RMDN1: variants seen among roughly 807,000 people sequenced by gnomAD.
RMDN1 encodes the protein regulator of microtubule dynamics 1, also known as regulator of microtubule dynamics protein 1.
A neutral mutation model predicts 48.9 loss-of-function variants in RMDN1; 48 were observed. The observed-to-expected ratio is 0.98, with a 90% CI of 0.78 to 1.25. RMDN1 has a LOEUF of 1.25. RMDN1 is among the 50% of genes most tolerant of loss of function. The probability of loss-of-function intolerance (pLI) is 0.00; values close to 1 mark genes in which losing one functional copy is unlikely to be tolerated. For synonymous variants in RMDN1, 148 were observed against 132.6 expected (o/e 1.12, Z -0.80); for missense variants, 418 against 373.4 (o/e 1.12, Z -0.98).
At chr8:86,505,801 G>A (rs1819230749) in intron 2 of RMDN1, among the ~76,000 whole-genome samples, 3 of 152,294 alleles carry the variant, frequency 2.0e-5, no homozygotes, top group Middle Eastern at 3.4e-3. Context: ...TTCATTATTG[G>A]AGGGTATATT....
intron 7 of RMDN1, 26 bp from the exon 8 acceptor site, chr8:86,477,350 CAT>C (rs1813557963): frequency 1.9e-6 from 3 of 1,572,302 alleles, no homozygotes; most frequent in Non-Finnish European, 2.6e-6. Context: ...AGAGCCCAAA[CAT>C]AATAAAAAAG....
downstream of RMDN1, chr8:86,470,042 T>G: frequency 1.9e-4 from 92 of 490,592 alleles, no homozygotes; most frequent in Non-Finnish European, 2.2e-4. Flanking sequence ...AAAACTCAGT[T>G]GAGATAACTT....
At chr8:86,508,778 T>TC, upstream of RMDN1, 1 of 1,079,356 alleles carries the variant, frequency 9.3e-7, no homozygotes, top group Non-Finnish European at 1.1e-6. Flanking sequence ...GCCCCCATGG[T>TC]TTCCGGTGCA....
intron 2 of RMDN1, chr8:86,505,209 A>G (rs1819114902): frequency 4.3e-6 from 3 of 701,918 alleles, no homozygotes; most frequent in Non-Finnish European, 6.9e-6. Context: ...TGCGCACCTC[A>G]AGGCTGGGGT....
intron 2 of RMDN1, among the ~76,000 whole-genome samples, chr8:86,503,385 A>AAAAAC (rs1563656676): frequency 2.0e-3 from 164 of 80,668 alleles, no homozygotes; most frequent in Non-Finnish European, 2.6e-3. Context: ...AAAAAAAAAA[A>AAAAAC]AAAACAAAAA....
At chr8:86,504,488 A>G in intron 2 of RMDN1, 1 of 1,542,644 alleles carries the variant, frequency 6.5e-7, no homozygotes, top group East Asian at 2.3e-5. Context: ...GCAGGTGTTC[A>G]AGAGCCCATC....
chr8:86,474,586 C>T, intron 9 of RMDN1: 1 of 711,546 alleles, frequency 1.4e-6, no homozygotes, highest in Non-Finnish European at 2.5e-6. Flanking sequence ...CCATGTGTGT[C>T]AAACAGGAAT....
intron 8 of RMDN1, among the ~76,000 whole-genome samples, chr8:86,475,301 A>G (rs1813181622): frequency 6.6e-6 from 1 of 152,154 alleles, no homozygotes; most frequent in African/African-American, 2.4e-5. Context: ...TTAGTTCCCT[A>G]TGGTACCCCA....
chr8:86,475,752 CCTT>C (rs1383887110), intron 8 of RMDN1, among the ~76,000 whole-genome samples: 2 of 152,154 alleles, frequency 1.3e-5, no homozygotes, highest in African/African-American at 4.8e-5. Context: ...TCCATTTGCT[CCTT>C]AACCAAAATT....
At chr8:86,469,735 T>A (rs1812390959), downstream of RMDN1, among the ~76,000 whole-genome samples, 2 of 152,220 alleles carry the variant, frequency 1.3e-5, no homozygotes, top group South Asian at 4.1e-4. Context: ...AACACTCAGT[T>A]GGCCTTAAAA....
chr8:86,481,034 TAAAGA>T (rs1388136165), intron 5 of RMDN1, among the ~76,000 whole-genome samples: 1 of 152,160 alleles, frequency 6.6e-6, no homozygotes, highest in African/African-American at 2.4e-5. Context: ...TGAAAACAAC[TAAAGA>T]AATCTTACAG....
chr8:86,493,993 A>T (rs1429505845), intron 2 of RMDN1, among the ~76,000 whole-genome samples: 1 of 152,160 alleles, frequency 6.6e-6, no homozygotes, highest in Non-Finnish European at 1.5e-5. Flanking sequence ...GTGGAATCTA[A>T]AAAAGTCAAA....
chr8:86,484,732 AAAAG>A (rs1299013642), intron 5 of RMDN1, 136 bp downstream of exon 5: 4 of 479,096 alleles, frequency 8.3e-6, no homozygotes, highest in Non-Finnish European at 1.1e-5. Flanking sequence ...AAAAAAAAAA[AAAAG>A]AAATAACAAA....
downstream of RMDN1, among the ~76,000 whole-genome samples, chr8:86,469,109 C>G (rs1034918086): frequency 6.6e-6 from 1 of 151,412 alleles, no homozygotes; most frequent in Non-Finnish European, 1.5e-5. Flanking sequence ...CAACACAATT[C>G]TATCTGTTAG....
intron 1 of RMDN1, among the ~76,000 whole-genome samples, chr8:86,507,797 C>T (rs1563669509): frequency 6.6e-6 from 1 of 152,174 alleles, no homozygotes; most frequent in South Asian, 2.1e-4. Context: ...ATTTTAACCA[C>T]CCCTCCCCAC....
At chr8:86,506,679 G>A (rs367883953) in intron 2 of RMDN1, among the ~76,000 whole-genome samples, 3 of 152,132 alleles carry the variant, frequency 2.0e-5, no homozygotes, top group East Asian at 3.9e-4. Context: ...TGCTGATAAC[G>A]GTATCTTGGT....
chr8:86,485,628 T>G (rs1815338691), intron 4 of RMDN1, among the ~76,000 whole-genome samples: 1 of 152,234 alleles, frequency 6.6e-6, no homozygotes, highest in Non-Finnish European at 1.5e-5. Flanking sequence ...GAGTTCCATC[T>G]ACTCTCACAT....
At chr8:86,504,639 T>A (rs1818983734) in intron 2 of RMDN1, 6 of 893,918 alleles carry the variant, frequency 6.7e-6, no homozygotes, top group Non-Finnish European at 9.6e-6. Context: ...TGACTGTTTG[T>A]TATTAAAGGA....
At chr8:86,470,572 C>A (rs1218090245), downstream of RMDN1, among the ~76,000 whole-genome samples, 1 of 152,090 alleles carries the variant, frequency 6.6e-6, no homozygotes, top group Non-Finnish European at 1.5e-5. Context: ...GAGATAAAAT[C>A]TATGTAGACA....
Sources: allele counts gnomAD v4.1 joint callset (sites outside exome capture counted in the v4.1 genomes callset), GRCh38; gene constraint gnomAD v4.1.1; transcripts MANE v1.5; gene names NCBI Gene and HGNC (gene_info 2026-07-23, HGNC 2026-07-21).